The following PHYHIPL variants were observed in gnomAD, a reference collection of about 807,000 sequenced individuals.
PHYHIPL encodes phytanoyl-CoA 2-hydroxylase interacting protein like.
In PHYHIPL, 9 loss-of-function variants were observed where a neutral mutation model predicts 33.4. That is an observed-to-expected ratio of 0.27 (90% CI 0.16 to 0.47). The LOEUF is 0.47. PHYHIPL is among the 20% of genes least tolerant of loss of function. The probability of loss-of-function intolerance (pLI) is 0.99; values close to 1 mark genes in which losing one functional copy is unlikely to be tolerated. For missense variants in PHYHIPL, 365 were observed against 460.7 expected (o/e 0.79, Z 1.90); for synonymous variants, 153 against 154.1 (o/e 0.99, Z 0.05).
At chr10:59,186,397 C>T (rs575334405) in intron 1 of PHYHIPL, among the ~76,000 whole-genome samples, 20 of 152,250 alleles carry the variant, frequency 1.3e-4, no homozygotes, top group African/African-American at 3.9e-4. Context: ...AGTCAGGTAG[C>T]ATGATGCCTC....
Position 59,247,421 on chromosome 10 carries a change from T to C in PHYHIPL, c.*1830T>C, listed in dbSNP as rs1025461727. 3.2e-6 allele frequency: 2 copies of C among 617,720 alleles called. No homozygotes were observed. The highest frequency in any genetic ancestry group is 5.5e-6 in the Non-Finnish European group (2 of 366,434). 38.3% of individuals were successfully genotyped at this position (617,720 alleles called of 1,614,324 possible). ...TTTTTCCCAATTATATGGCTACCTG[T>C]TGTATTCTTCCCCCCGTTTAAATCC... On this transcript the variant is annotated 3_prime_UTR_variant, in exon 5 of 5. Transcript: ENST00000373880.
chr10:59,245,197 C>G lies in PHYHIPL; in HGVS notation c.737C>G (p.Pro246Arg). The change falls in exon 5 of 5, where the codon CCT (proline) becomes CGT (arginine). Residue 246 changes from proline (P) to arginine (R), a missense_variant. Pro to Arg is a moderately radical substitution (Grantham distance 103). This residue lies in a region of PHYHIPL where 196 missense variants were observed against 224.9 expected (regional missense o/e 0.87). Transcript: ENST00000373880. Reference protein sequence around the residue: ...FNTGKPPQDSPYGRYRFEIAA... With the variant: ...FNTGKPPQDSRYGRYRFEIAA... ...ACTGGAAAGCCACCCCAGGATTCAC[C>G]TTATGGAAGATACAGGTTTGAGATT... 1 of 1,614,118 alleles carries G rather than the reference C, an allele frequency of 6.2e-7. No homozygotes were observed. Among genetic ancestry groups the G allele is most frequent in the Non-Finnish European group, 8.5e-7 (1 of 1,180,014 alleles).
intron 1 of PHYHIPL, among the ~76,000 whole-genome samples, chr10:59,186,377 T>C (rs1024847047): frequency 1.3e-5 from 2 of 152,208 alleles, no homozygotes; most frequent in Non-Finnish European, 2.9e-5. Context: ...AGCCTTGTAG[T>C]ATAGTTTGAA....
intron 1 of PHYHIPL, among the ~76,000 whole-genome samples, chr10:59,184,627 G>T (rs1230090397): frequency 2.7e-5 from 4 of 145,896 alleles, no homozygotes; most frequent in Non-Finnish European, 4.6e-5. Context: ...ACAGGCCCTA[G>T]TTTTTTTTTT....
rs1002959233 is a variant in PHYHIPL, at chr10:59,177,239, CG to C, written c.106+281del. ...CTGGCCCGGACGAGGGCGACGTTCC[CG>C]CTCGCGGCTCCTGCCCCGACGAGGC... On this transcript the variant is annotated intron_variant, in intron 1 of 4. Coordinates refer to ENST00000373880, the MANE Select transcript of PHYHIPL (RefSeq NM_032439.4). 3 of 583,102 alleles carry C rather than the reference CG, an allele frequency of 5.1e-6. No homozygotes were observed. The African/African-American group carries it at 5.7e-5, about 11-fold the overall frequency. 36.1% of individuals were successfully genotyped at this position (583,102 alleles called of 1,614,324 possible).
intron 1 of PHYHIPL, among the ~76,000 whole-genome samples, chr10:59,196,275 A>G (rs961018142): frequency 6.6e-6 from 1 of 151,796 alleles, no homozygotes; most frequent in African/African-American, 2.4e-5. Context: ...AGTAGATAAA[A>G]ATAAAATATT....
intron 1 of PHYHIPL, among the ~76,000 whole-genome samples, chr10:59,180,569 C>T (rs1025370718): frequency 6.6e-6 from 1 of 151,484 alleles, no homozygotes; most frequent in African/African-American, 2.4e-5. Context: ...CGGTATAAAC[C>T]ATAGGGTTTA....
At chr10:59,222,135 T>C (rs552209904) in intron 1 of PHYHIPL, among the ~76,000 whole-genome samples, 1 of 152,114 alleles carries the variant, frequency 6.6e-6, no homozygotes, top group Admixed American at 6.5e-5. Context: ...ATGCCCTTAA[T>C]AAAGAAGTAC....
intron 1 of PHYHIPL, among the ~76,000 whole-genome samples, chr10:59,231,066 A>T (rs1840066895): frequency 6.6e-6 from 1 of 150,690 alleles, no homozygotes; most frequent in African/African-American, 2.4e-5. Context: ...GCACATTTTT[A>T]AAAAATATAA....
intron 1 of PHYHIPL, chr10:59,206,666 C>G: frequency 2.7e-6 from 1 of 373,648 alleles, no homozygotes; most frequent in Non-Finnish European, 4.0e-6. Context: ...TTATTTAATT[C>G]AAATTTGTAT....
chr10:59,247,409 T>C lies in PHYHIPL; in HGVS notation c.*1818T>C. 1 of 563,500 alleles carries C rather than the reference T, an allele frequency of 1.8e-6. No individual in the cohort carries two copies. 34.9% of individuals were successfully genotyped at this position (563,500 alleles called of 1,614,324 possible). ...AGGACACTGAATTTTTTCCCAATTATATGGCTACCTGTTGTATTCTTCCCC... is the reference window on the plus strand; with the variant it reads ...AGGACACTGAATTTTTTCCCAATTACATGGCTACCTGTTGTATTCTTCCCC... On this transcript the variant is annotated 3_prime_UTR_variant, in exon 5 of 5. Coordinates refer to ENST00000373880, the MANE Select transcript of PHYHIPL (RefSeq NM_032439.4).
At chr10:59,189,032 G>A (rs538662334) in intron 1 of PHYHIPL, among the ~76,000 whole-genome samples, 1 of 152,124 alleles carries the variant, frequency 6.6e-6, no homozygotes, top group South Asian at 2.1e-4. Context: ...GTCAAATGTA[G>A]TGTGAACTTT....
intron 1 of PHYHIPL, among the ~76,000 whole-genome samples, chr10:59,215,762 G>C (rs538538941): frequency 3.3e-5 from 5 of 151,848 alleles, no homozygotes; most frequent in Admixed American, 2.0e-4. Flanking sequence ...TTAAGCTGAG[G>C]CTAAAGGGTG....
chr10:59,185,584 G>C (rs1336444006), intron 1 of PHYHIPL, among the ~76,000 whole-genome samples: 1 of 152,188 alleles, frequency 6.6e-6, no homozygotes, highest in Non-Finnish European at 1.5e-5. Context: ...CCCAGCAACA[G>C]TGTAAAAGTG....
chr10:59,245,724 C>T lies in PHYHIPL; in HGVS notation c.*133C>T. On this transcript the variant is annotated 3_prime_UTR_variant, in exon 5 of 5. Transcript: ENST00000373880. ...CACTGTCACCAAAACAAACAACTAC[C>T]ACTTTCCAAATTTCATTCAGAACCA... The T allele has an allele frequency of 1.0e-6, 1 of 985,350 alleles. No homozygotes were observed. Among genetic ancestry groups the T allele is most frequent in the South Asian group, 1.8e-5 (1 of 55,586 alleles). The allele number at this position is 985,350 out of a possible 1,614,324, so 61.0% of individuals were successfully genotyped here.
chr10:59,215,548 C>T (rs893873454), intron 1 of PHYHIPL, among the ~76,000 whole-genome samples: 1 of 151,832 alleles, frequency 6.6e-6, no homozygotes, highest in East Asian at 1.9e-4. Flanking sequence ...TGCGACAAGA[C>T]GGCCATGACC....
At position 59,247,632 on chromosome 10, in the gene PHYHIPL, A is replaced by G; in HGVS notation, c.*2041A>G. The G allele has an allele frequency of 6.2e-7, 1 of 1,613,502 alleles. No homozygotes were observed. Among genetic ancestry groups the G allele is most frequent in the Non-Finnish European group, 8.5e-7 (1 of 1,179,678 alleles). On this transcript the variant is annotated 3_prime_UTR_variant, in exon 5 of 5. Transcript: ENST00000373880. ...CTGAACCTCAAATAGTTTTGGCCAC[A>G]TCTTGCTTGCTGATGAGGACCTCTA...
upstream of PHYHIPL, among the ~76,000 whole-genome samples, chr10:59,173,921 GTTTTTTTTTTTTTTTTTT>G (rs368316005): frequency 8.2e-4 from 47 of 57,528 alleles, no homozygotes; most frequent in African/African-American, 2.3e-3. Flanking sequence ...TACTTCTGAG[GTTTTTTTTTTTTTTTTTT>G]TTTTTTTTTT....
At chr10:59,193,310 G>T (rs1838828834) in intron 1 of PHYHIPL, among the ~76,000 whole-genome samples, 1 of 152,150 alleles carries the variant, frequency 6.6e-6, no homozygotes, top group South Asian at 2.1e-4. Context: ...ACTGACAAGA[G>T]AACTAAGTGT....
Sources: allele counts gnomAD v4.1 joint callset (sites outside exome capture counted in the v4.1 genomes callset), GRCh38; gene constraint gnomAD v4.1.1; regional missense constraint gnomAD v4.1.1; transcripts MANE v1.5; gene names NCBI Gene and HGNC (gene_info 2026-07-23, HGNC 2026-07-21).